The following EXD3 variants were observed in gnomAD, a reference collection of about 807,000 sequenced individuals.
The protein encoded by EXD3 is exonuclease 3'-5' domain containing 3.
In EXD3, 92 loss-of-function variants were observed where a neutral mutation model predicts 98.0. The observed-to-expected ratio is 0.94, with a 90% CI of 0.79 to 1.12. EXD3 has a LOEUF of 1.12. Among genes scored for constraint, EXD3 ranks in the 50% most tolerant of loss-of-function variants. The probability of loss-of-function intolerance (pLI) is 0.00; values close to 1 mark genes in which losing one functional copy is unlikely to be tolerated. For synonymous variants in EXD3, 569 were observed against 526.0 expected (o/e 1.08, Z -1.12); for missense variants, 1,222 against 1,191.6 (o/e 1.03, Z -0.38).
At chr9:137,421,302 T>G (rs923626540) in intron 1 of EXD3, among the ~76,000 whole-genome samples, 1 of 152,246 alleles carries the variant, frequency 6.6e-6, no homozygotes, top group Admixed American at 6.5e-5. Context: ...GGAGCCTATA[T>G]GGCCAATCAC....
intron 5 of EXD3, among the ~76,000 whole-genome samples, chr9:137,369,673 G>C (rs1007516244): frequency 2.0e-5 from 3 of 152,310 alleles, no homozygotes; most frequent in East Asian, 3.9e-4. Context: ...ACCCAACCAG[G>C]AACCCCTCTG....
chr9:137,309,810 G>A, intron 19 of EXD3, 110 bp from the exon 20 acceptor site: 2 of 789,258 alleles, frequency 2.5e-6, no homozygotes, highest in Non-Finnish European at 4.2e-6. Flanking sequence ...GGGTTTCACA[G>A]AGACAGATAA....
chr9:137,307,381 C>A, intron 21 of EXD3, 118 bp from the exon 22 acceptor site: 1 of 1,386,748 alleles, frequency 7.2e-7, no homozygotes, highest in Non-Finnish European at 9.5e-7. Context: ...CTCAGCAGCT[C>A]CTCTTTCTGC....
At chr9:137,323,917 A>C in intron 18 of EXD3, 61 bp from the exon 19 acceptor site, 1 of 1,546,272 alleles carries the variant, frequency 6.5e-7, no homozygotes, top group South Asian at 1.2e-5. Flanking sequence ...GCCCAGGCCC[A>C]GCCCGCCTCC....
At chr9:137,355,246 C>A (rs1407477960) in intron 8 of EXD3, among the ~76,000 whole-genome samples, 1 of 152,136 alleles carries the variant, frequency 6.6e-6, no homozygotes, top group African/African-American at 2.4e-5. Context: ...CCTGAGGGGG[C>A]CCCGGGGAGG....
intron 1 of EXD3, among the ~76,000 whole-genome samples, chr9:137,422,681 A>C (rs1023408215): frequency 6.6e-6 from 1 of 152,168 alleles, no homozygotes; most frequent in Non-Finnish European, 1.5e-5. Flanking sequence ...GCGCCGGTGG[A>C]CAGGAAGCCA....
In EXD3 at chr9:137,371,572, G is replaced by A. The variant is rs987818527; in HGVS notation, c.462+1333C>T. 1.4e-4 allele frequency among the ~76,000 whole-genome samples: 21 copies of A among 152,090 alleles called. No individual in the cohort carries two copies. The highest frequency in any genetic ancestry group is 2.5e-4 in the Non-Finnish European group (17 of 67,916). ...CAGGCAGCGGGGTGGTGGCCTTCAC[G>A]CTCGGCCCTGAAGTAAGGGGGCCCT... On this transcript the variant is annotated intron_variant, in intron 5 of 21. Coordinates refer to ENST00000340951, the MANE Select transcript of EXD3 (RefSeq NM_017820.5). This position sits in a 1 kb window ranked among gnomAD's most constrained non-coding sequence, Gnocchi z 8.0.
At chr9:137,345,442 A>T (rs1025023437) in intron 17 of EXD3, among the ~76,000 whole-genome samples, 1 of 152,156 alleles carries the variant, frequency 6.6e-6, no homozygotes, top group African/African-American at 2.4e-5. Flanking sequence ...TGGGCAGATC[A>T]CCTGAGGTCA....
chr9:137,408,140 G>A (rs546047705), intron 1 of EXD3, among the ~76,000 whole-genome samples: 3 of 152,250 alleles, frequency 2.0e-5, no homozygotes, highest in African/African-American at 7.2e-5. Flanking sequence ...CGCTGCGTGG[G>A]TGTTTTACTA....
intron 7 of EXD3, among the ~76,000 whole-genome samples, chr9:137,359,410 C>T (rs546364285): frequency 1.2e-5 from 1 of 83,444 alleles, no homozygotes; most frequent in African/African-American, 3.3e-5. Context: ...CGGTGGCTCA[C>T]GCCTGTAATC....
intron 2 of EXD3, among the ~76,000 whole-genome samples, chr9:137,384,509 G>T (rs1030107856): frequency 3.3e-5 from 5 of 152,232 alleles, no homozygotes; most frequent in Non-Finnish European, 7.3e-5. Flanking sequence ...AGCGTGAGAC[G>T]TGGTGCTCAG....
intron 1 of EXD3, among the ~76,000 whole-genome samples, chr9:137,408,590 C>A (rs1180805307): frequency 6.9e-6 from 1 of 144,682 alleles, no homozygotes; most frequent in Non-Finnish European, 1.5e-5. Context: ...AGACAGCAGC[C>A]CCTACGGCCC....
rs188504976 is a variant in EXD3 at position 137,352,130 on chromosome 9, C to G, written c.1109G>C (p.Arg370Thr). 36 of 1,612,888 alleles carry G rather than the reference C, an allele frequency of 2.2e-5. No individual in the cohort carries two copies. In the Admixed American group the frequency reaches 5.8e-4, roughly 26 times the overall value. Residue 370 changes from arginine to threonine, a missense_variant, in exon 12 of 22, where the codon AGG (arginine) becomes ACG (threonine). By Grantham distance (71) the Arg-to-Thr change is moderately conservative. Transcript: ENST00000340951. ...CGAGGCCAGGAGGTGGACGTTCTCC[C>G]TGGGGATGGGCAGCTGGTAGTAACG... ...KDRYYQLPIP[R>T]ENVHLLASWE...
intron 8 of EXD3, among the ~76,000 whole-genome samples, chr9:137,355,730 G>GAGAA (rs1834740118): frequency 6.6e-6 from 1 of 151,630 alleles, no homozygotes; most frequent in Non-Finnish European, 1.5e-5. Context: ...AAGGAGGAAG[G>GAGAA]AGGACCTAGA....
At chr9:137,308,706 G>A (rs1831194758) in intron 20 of EXD3, among the ~76,000 whole-genome samples, 3 of 146,290 alleles carry the variant, frequency 2.1e-5, no homozygotes, top group East Asian at 2.0e-4. Flanking sequence ...GTGTGATCTC[G>A]GCTCACTGCA....
rs1377341889 is a variant in EXD3 at position 137,385,111 on chromosome 9, A to G, written c.56-1734T>C. Among the ~76,000 whole-genome samples the G allele has an allele frequency of 1.3e-5, 2 of 152,140 alleles. No homozygotes were observed. The highest frequency in any genetic ancestry group is 4.8e-5 in the African/African-American group (2 of 41,450). On this transcript the variant is annotated intron_variant, in intron 2 of 21. Coordinates refer to ENST00000340951, the MANE Select transcript of EXD3 (RefSeq NM_017820.5). This position sits in a 1 kb window ranked among gnomAD's most constrained non-coding sequence, Gnocchi z 4.4. ...CGTCTCAGACAAAAACCAAAAAACC[A>G]TAAAACACCGTGGGGCGCCCAGGCT...
In EXD3 at chr9:137,351,029, G is replaced by C; in HGVS notation, c.1494+9C>G. 6.4e-7 allele frequency: 1 copy of C among 1,552,816 alleles called. No individual in the cohort carries two copies. Among genetic ancestry groups the C allele is most frequent in the East Asian group, 2.4e-5 (1 of 41,130 alleles). ...CCGGCATCTTGTGAGCGGCTCAGTG[G>C]GTGCCCACCTGTCTGTGCACCAGCA... On this transcript the variant is annotated intron_variant, in intron 14 of 21. Transcript: ENST00000340951.
At chr9:137,394,700 CGAG>C (rs1564205002) in intron 2 of EXD3, among the ~76,000 whole-genome samples, 2 of 47,342 alleles carry the variant, frequency 4.2e-5, no homozygotes, top group South Asian at 1.0e-3. Flanking sequence ...GCAGGGCAGC[CGAG>C]CGAGCGGGGA....
intron 6 of EXD3, among the ~76,000 whole-genome samples, chr9:137,367,208 C>A (rs1248205549): frequency 6.6e-6 from 1 of 152,216 alleles, no homozygotes. Flanking sequence ...ATGGGGCCCA[C>A]CTGCCCAGCA....
Sources: gnomAD v4.1 joint callset for allele counts (sites outside exome capture counted in the v4.1 genomes callset) on GRCh38, gnomAD v4.1.1 for gene constraint, Gnocchi (gnomAD v3.1) non-coding constraint, MANE v1.5 for transcripts, NCBI Gene and HGNC (gene_info 2026-07-23, HGNC 2026-07-21) for gene names.